MSRA: variants seen among roughly 807,000 people sequenced by gnomAD.
The protein encoded by MSRA is mitochondrial peptide methionine sulfoxide reductase.
MSRA carries 54 observed loss-of-function variants against 31.3 expected under a neutral mutation model. That is an observed-to-expected ratio of 1.73 (90% CI 1.39 to 2.17). The LOEUF is 2.17. MSRA is among the 30% of genes most tolerant of loss of function. The probability of loss-of-function intolerance (pLI) is 0.00; values close to 1 mark genes in which losing one functional copy is unlikely to be tolerated. For missense variants in MSRA, 507 were observed against 300.9 expected, an observed-to-expected ratio of 1.69 and a Z score of -5.07; for synonymous variants, 169 against 116.5, an observed-to-expected ratio of 1.45 and a Z score of -2.90.
At chr8:10,283,587 C>G (rs1799750491) in intron 3 of MSRA, among the ~76,000 whole-genome samples, 1 of 151,346 alleles carries the variant, frequency 6.6e-6, no homozygotes, top group African/African-American at 2.4e-5. Context: ...ATCTCTCACC[C>G]CCTTCCTCCT....
chr8:10,210,088 G>A (rs1048218374), intron 2 of MSRA, among the ~76,000 whole-genome samples: 1 of 152,086 alleles, frequency 6.6e-6, no homozygotes, highest in African/African-American at 2.4e-5. Flanking sequence ...GGGTTTTGAG[G>A]GTGGACTTCT....
chr8:10,241,407 G>A (rs1282433068), intron 2 of MSRA, among the ~76,000 whole-genome samples: 3 of 152,052 alleles, frequency 2.0e-5, no homozygotes, highest in Admixed American at 6.5e-5. Context: ...TCATTGAAAC[G>A]ATCAAATATG....
At chr8:10,171,408 A>T in intron 1 of MSRA, among the ~76,000 whole-genome samples, 1 of 150,912 alleles carries the variant, frequency 6.6e-6, no homozygotes, top group African/African-American at 2.4e-5. Flanking sequence ...GGAAATGAAC[A>T]GCTCTCTACA....
intron 3 of MSRA, among the ~76,000 whole-genome samples, chr8:10,285,268 T>A (rs1799873097): frequency 6.6e-6 from 1 of 152,196 alleles, no homozygotes; most frequent in Admixed American, 6.6e-5. Context: ...TAGTCTTGCC[T>A]GCATTTAATT....
At chr8:10,095,311 A>G (rs927368550) in intron 1 of MSRA, among the ~76,000 whole-genome samples, 1 of 152,184 alleles carries the variant, frequency 6.6e-6, no homozygotes, top group African/African-American at 2.4e-5. Flanking sequence ...GTACTCCATT[A>G]TTGCTCCGGG....
intron 5 of MSRA, among the ~76,000 whole-genome samples, chr8:10,414,269 C>T (rs1808327908): frequency 6.6e-6 from 1 of 152,220 alleles, no homozygotes; most frequent in Admixed American, 6.5e-5. Context: ...CTGGAAGACA[C>T]AGTCCCAAGA....
At chr8:10,062,333 G>T (rs903989991) in intron 1 of MSRA, among the ~76,000 whole-genome samples, 2 of 152,214 alleles carry the variant, frequency 1.3e-5, no homozygotes, top group African/African-American at 4.8e-5. Flanking sequence ...ATGCTTTCAG[G>T]ATGTCAGTGC....
At chr8:10,121,603 A>G (rs80074236) in intron 1 of MSRA, among the ~76,000 whole-genome samples, 2,335 of 152,236 alleles carry the variant, frequency 0.015, 23 homozygotes, top group Non-Finnish European at 0.022. Flanking sequence ...TAATTTGCCT[A>G]TGTGATGAAC....
intron 1 of MSRA, among the ~76,000 whole-genome samples, chr8:10,204,652 A>C (rs969687296): frequency 2.6e-5 from 4 of 152,258 alleles, no homozygotes; most frequent in African/African-American, 9.6e-5. Flanking sequence ...GCCCAATGAC[A>C]AAATGACCTG....
At chr8:10,324,987 G>T (rs1055647445) in intron 5 of MSRA, among the ~76,000 whole-genome samples, 1 of 152,174 alleles carries the variant, frequency 6.6e-6, no homozygotes, top group Non-Finnish European at 1.5e-5. Flanking sequence ...GTGTAAGATT[G>T]GGCAATGCAG....
chr8:10,222,646 G>A (rs762865098), intron 2 of MSRA, among the ~76,000 whole-genome samples: 15 of 152,134 alleles, frequency 9.9e-5, no homozygotes, highest in Admixed American at 7.2e-4. Flanking sequence ...AATGGAATAC[G>A]ATTCAGTCTT....
chr8:10,220,814 C>G (rs1024434108), intron 2 of MSRA, among the ~76,000 whole-genome samples: 1 of 152,156 alleles, frequency 6.6e-6, no homozygotes, highest in Non-Finnish European at 1.5e-5. Context: ...AGTGGGCACT[C>G]ACATTGGGAA....
chr8:10,345,786 A>G (rs1803732349), intron 5 of MSRA, among the ~76,000 whole-genome samples: 3 of 152,240 alleles, frequency 2.0e-5, no homozygotes. Context: ...ATGTGTTTGC[A>G]TGAAACTAAA....
intron 3 of MSRA, among the ~76,000 whole-genome samples, chr8:10,255,842 T>A (rs1304986236): frequency 6.6e-6 from 1 of 151,872 alleles, no homozygotes; most frequent in African/African-American, 2.4e-5. Flanking sequence ...TCTAATAAAC[T>A]GTTTTTTGTT....
chr8:10,261,160 A>G (rs1031868434), intron 3 of MSRA, among the ~76,000 whole-genome samples: 12 of 152,158 alleles, frequency 7.9e-5, no homozygotes, highest in African/African-American at 2.7e-4. Context: ...CTGTGATGGT[A>G]TTGATTACCT....
At chr8:10,251,124 G>T (rs192756703) in intron 3 of MSRA, among the ~76,000 whole-genome samples, 5 of 152,040 alleles carry the variant, frequency 3.3e-5, no homozygotes, top group Admixed American at 2.0e-4. Flanking sequence ...TTCCAAATGC[G>T]TGTGATTTTT....
chr8:10,358,161 C>T (rs1804619872), intron 5 of MSRA, among the ~76,000 whole-genome samples: 1 of 152,112 alleles, frequency 6.6e-6, no homozygotes, highest in Admixed American at 6.5e-5. Flanking sequence ...ATTCCTGCCC[C>T]CGGGTGATCT....
chr8:10,262,107 G>T (rs566081577), intron 3 of MSRA, among the ~76,000 whole-genome samples: 1 of 152,206 alleles, frequency 6.6e-6, no homozygotes, highest in South Asian at 2.1e-4. Context: ...GGTACCATAG[G>T]TTATTTTATC....
chr8:10,056,524 CTTTTT>C (rs58900236), intron 1 of MSRA, among the ~76,000 whole-genome samples: 3 of 138,260 alleles, frequency 2.2e-5, no homozygotes, highest in East Asian at 2.1e-4. Flanking sequence ...GGCCAGTAAA[CTTTTT>C]TTTTTTTTTT....
Sources: gnomAD v4.1 joint callset for allele counts (sites outside exome capture counted in the v4.1 genomes callset) on GRCh38, gnomAD v4.1.1 for gene constraint, MANE v1.5 for transcripts, NCBI Gene and HGNC (gene_info 2026-07-23, HGNC 2026-07-21) for gene names.